The following SUSD1 variants were observed in gnomAD, a reference collection of about 807,000 sequenced individuals.
SUSD1 encodes the protein sushi domain containing 1.
SUSD1 carries 65 observed loss-of-function variants against 86.9 expected under a neutral mutation model. The ratio of observed to expected loss-of-function variants is 0.75; its 90% CI spans 0.61 to 0.92. The LOEUF is 0.92. SUSD1 is among the 40% of genes least tolerant of loss of function. The pLI, the probability that SUSD1 is intolerant of heterozygous loss-of-function variation, is 0.00. For missense variants in SUSD1, 850 were observed against 929.7 expected (o/e 0.91, Z 1.11); for synonymous variants, 346 against 350.0 (o/e 0.99, Z 0.13).
chr9:112,062,017 C>T (rs965430882), intron 13 of SUSD1, among the ~76,000 whole-genome samples: 4 of 152,182 alleles, frequency 2.6e-5, no homozygotes, highest in African/African-American at 9.7e-5. Flanking sequence ...AAACACTTAA[C>T]TGAACACACT....
intron 14 of SUSD1, among the ~76,000 whole-genome samples, chr9:112,053,858 G>C (rs1828332422): frequency 6.6e-6 from 1 of 152,204 alleles, no homozygotes; most frequent in African/African-American, 2.4e-5. Context: ...GAGACAGAAA[G>C]ATGTGGTAGA....
intron 12 of SUSD1, among the ~76,000 whole-genome samples, chr9:112,071,011 G>A (rs1244316530): frequency 6.6e-6 from 1 of 152,068 alleles, no homozygotes; most frequent in Non-Finnish European, 1.5e-5. Flanking sequence ...TAGAAAAGTG[G>A]TCTCACTGTG....
rs367549067 is a variant in SUSD1, at chr9:112,065,047, T to C, written c.1754-2014A>G. Among the ~76,000 whole-genome samples the C allele has an allele frequency of 2.6e-5, 4 of 152,278 alleles. No homozygotes were observed. In the South Asian group the frequency reaches 6.2e-4, roughly 24 times the overall value. ...AAAACTCATTTTATAGATGAGGAAA[T>C]TGATACATGACAGATTGTTACTTGT... On this transcript the variant is annotated intron_variant, in intron 12 of 16. Transcript: ENST00000374270.
At chr9:112,161,478 A>G (rs190893988) in intron 1 of SUSD1, among the ~76,000 whole-genome samples, 2 of 152,174 alleles carry the variant, frequency 1.3e-5, no homozygotes, top group African/African-American at 4.8e-5. Flanking sequence ...TTTGTGATCA[A>G]CCCTACAATG....
chr9:112,142,179 A>G, intron 5 of SUSD1, 141 bp downstream of exon 5: 1 of 658,268 alleles, frequency 1.5e-6, no homozygotes, highest in South Asian at 4.0e-5. Context: ...CAAGAAAATC[A>G]CCTGAAAATC....
At chr9:112,128,360 C>G (rs1448757896) in intron 5 of SUSD1, among the ~76,000 whole-genome samples, 1 of 151,578 alleles carries the variant, frequency 6.6e-6, no homozygotes, top group Non-Finnish European at 1.5e-5. Context: ...TCCCAAAGTG[C>G]TAGGATTATA....
At position 112,117,514 on chromosome 9, in the gene SUSD1, A is replaced by ATG. The variant is rs1165233972; in HGVS notation, c.887-4648_887-4647dup. Among the ~76,000 whole-genome samples the ATG allele has an allele frequency of 4.6e-5, 7 of 152,042 alleles. No individual in the cohort carries two copies. In the East Asian group the frequency reaches 9.6e-4, roughly 21 times the overall value. On this transcript the variant is annotated intron_variant, in intron 6 of 16. Transcript: ENST00000374270. The stretch of plus-strand genomic sequence containing the variant: ...AAGAGCCTTTGTTTTGCTTTACTCT[A>ATG]TGTGTGTGTGTGTACACACAGGTAC...
chr9:112,129,753 T>C (rs538664389), intron 5 of SUSD1, among the ~76,000 whole-genome samples: 5 of 152,360 alleles, frequency 3.3e-5, no homozygotes, highest in African/African-American at 9.6e-5. Context: ...CTTTGTCTTA[T>C]AATTCTTGTA....
At chr9:112,065,691 G>A (rs1324117759) in intron 12 of SUSD1, among the ~76,000 whole-genome samples, 3 of 152,192 alleles carry the variant, frequency 2.0e-5, no homozygotes, top group Non-Finnish European at 4.4e-5. Flanking sequence ...ACGATGTAGT[G>A]GGTAGGAACA....
At chr9:112,160,685 TA>T (rs1281775231) in intron 1 of SUSD1, among the ~76,000 whole-genome samples, 1 of 152,000 alleles carries the variant, frequency 6.6e-6, no homozygotes, top group Non-Finnish European at 1.5e-5. Flanking sequence ...TCATCTCTGT[TA>T]AAAAAGAAAA....
intron 2 of SUSD1, among the ~76,000 whole-genome samples, chr9:112,150,601 C>T (rs770999628): frequency 6.6e-6 from 1 of 152,116 alleles, no homozygotes; most frequent in African/African-American, 2.4e-5. Flanking sequence ...ATTGTGGGAA[C>T]ATCATAGGGT....
intron 10 of SUSD1, among the ~76,000 whole-genome samples, chr9:112,081,894 C>G (rs1465490371): frequency 6.6e-6 from 1 of 152,136 alleles, no homozygotes; most frequent in African/African-American, 2.4e-5. Context: ...ATAAATGGAA[C>G]TGTTAATACA....
At chr9:112,156,023 G>C (rs1210303009) in intron 2 of SUSD1, among the ~76,000 whole-genome samples, 1 of 151,570 alleles carries the variant, frequency 6.6e-6, no homozygotes, top group East Asian at 1.9e-4. Context: ...AGAAGGGAGA[G>C]AGAGAGAAGG....
At chr9:112,042,686 A>G (rs1017253868) in intron 15 of SUSD1, among the ~76,000 whole-genome samples, 2 of 152,234 alleles carry the variant, frequency 1.3e-5, no homozygotes, top group African/African-American at 4.8e-5. Flanking sequence ...AGCACTTACT[A>G]TGTGCCAGAC....
At chr9:112,082,048 A>T (rs1829789184) in intron 10 of SUSD1, among the ~76,000 whole-genome samples, 1 of 152,212 alleles carries the variant, frequency 6.6e-6, no homozygotes, top group Non-Finnish European at 1.5e-5. Context: ...AGAACAATAC[A>T]AGGATGTCTG....
intron 3 of SUSD1, among the ~76,000 whole-genome samples, chr9:112,144,333 A>G (rs1832714895): frequency 6.6e-6 from 1 of 152,012 alleles, no homozygotes; most frequent in Non-Finnish European, 1.5e-5. Flanking sequence ...AAATATATCC[A>G]GTCACTAAAA....
intron 1 of SUSD1, among the ~76,000 whole-genome samples, chr9:112,174,872 G>A (rs773984877): frequency 6.6e-6 from 1 of 151,920 alleles, no homozygotes; most frequent in Non-Finnish European, 1.5e-5. Flanking sequence ...GTCCCTGGGG[G>A]CCCGGCCAGG....
chr9:112,169,438 C>T (rs1417952105), intron 1 of SUSD1: 1 of 151,898 alleles, frequency 6.6e-6, no homozygotes, highest in African/African-American at 2.4e-5. Flanking sequence ...AAAGAACTCT[C>T]AACCTTTCCT....
intron 15 of SUSD1, among the ~76,000 whole-genome samples, chr9:112,051,220 T>C (rs758863070): frequency 4.7e-4 from 72 of 152,272 alleles, no homozygotes; most frequent in Non-Finnish European, 7.6e-4. Context: ...CATTTAGTCA[T>C]AGATTACTTA....
Sources: allele counts gnomAD v4.1 joint callset (sites outside exome capture counted in the v4.1 genomes callset), GRCh38; gene constraint gnomAD v4.1.1; transcripts MANE v1.5; gene names NCBI Gene and HGNC (gene_info 2026-07-23, HGNC 2026-07-21).